The following PITPNC1 variants were observed in gnomAD, a reference collection of about 807,000 sequenced individuals.
PITPNC1 encodes phosphatidylinositol transfer protein cytoplasmic 1, also known as cytoplasmic phosphatidylinositol transfer protein 1.
PITPNC1 carries 18 observed loss-of-function variants against 44.7 expected under a neutral mutation model. The observed-to-expected ratio is 0.40, with a 90% CI of 0.28 to 0.60. The LOEUF (loss-of-function observed/expected upper bound fraction) is 0.60, where lower values mean the gene tolerates loss of function less well. Among genes scored for constraint, PITPNC1 ranks in the 20% least tolerant of loss-of-function variants. The probability of loss-of-function intolerance (pLI) is 0.39; values close to 1 mark genes in which losing one functional copy is unlikely to be tolerated. For synonymous variants in PITPNC1, 141 were observed against 149.6 expected (o/e 0.94, Z 0.42); for missense variants, 290 against 418.4 (o/e 0.69, Z 2.68).
chr17:67,489,570 C>T (rs541940138), intron 1 of PITPNC1, among the ~76,000 whole-genome samples: 144 of 152,256 alleles, frequency 9.5e-4, no homozygotes, highest in Non-Finnish European at 1.7e-3. Context: ...GATCCCGCCT[C>T]TAGAGATTCT....
chr17:67,677,955 G>A (rs1028729907), intron 8 of PITPNC1, among the ~76,000 whole-genome samples: 3 of 151,934 alleles, frequency 2.0e-5, no homozygotes, highest in African/African-American at 7.2e-5. Flanking sequence ...GTTCACACCT[G>A]TAATCCCAGC....
chr17:67,640,284 C>T (rs1253062932), intron 6 of PITPNC1, among the ~76,000 whole-genome samples: 1 of 152,118 alleles, frequency 6.6e-6, no homozygotes, highest in Non-Finnish European at 1.5e-5. Flanking sequence ...AGGGAGGAAG[C>T]CTGCAAAGGA....
intron 1 of PITPNC1, among the ~76,000 whole-genome samples, chr17:67,380,318 G>A (rs949934117): frequency 3.3e-5 from 5 of 152,134 alleles, no homozygotes; most frequent in African/African-American, 7.2e-5. Flanking sequence ...CAGGCAATCC[G>A]CCTGCCTCAG....
At chr17:67,494,805 C>G (rs1172378367) in intron 1 of PITPNC1, among the ~76,000 whole-genome samples, 1 of 151,968 alleles carries the variant, frequency 6.6e-6, no homozygotes. Flanking sequence ...AACACCATCT[C>G]TACAAAAAAT....
rs570576510 is a variant in PITPNC1, at chr17:67,416,463, G to A, written c.48+38261G>A. Among the ~76,000 whole-genome samples the A allele has an allele frequency of 1.1e-3, 172 of 151,984 alleles. 1 individual carries two copies. Among genetic ancestry groups the A allele is most frequent in the Non-Finnish European group, 1.9e-3 (129 of 67,966 alleles). On this transcript the variant is annotated intron_variant, in intron 1 of 8. Coordinates refer to ENST00000581322, the MANE Select transcript of PITPNC1 (RefSeq NM_012417.4). ...ACACCTGACCTCAAATGATCCTCCCGCCTCAGCCTCCCAAAGTGCTAGGAT... is the reference window on the plus strand; with the variant it reads ...ACACCTGACCTCAAATGATCCTCCCACCTCAGCCTCCCAAAGTGCTAGGAT...
At chr17:67,630,982 G>A (rs188728705) in intron 5 of PITPNC1, among the ~76,000 whole-genome samples, 6 of 151,570 alleles carry the variant, frequency 4.0e-5, no homozygotes, top group Admixed American at 6.6e-5. Flanking sequence ...AAAGCGCTGC[G>A]ATTACAGGCA....
At chr17:67,466,065 A>T (rs1402866250) in intron 1 of PITPNC1, among the ~76,000 whole-genome samples, 2 of 151,716 alleles carry the variant, frequency 1.3e-5, no homozygotes, top group African/African-American at 4.8e-5. Context: ...CAGTGGTGCC[A>T]TCATAGTTCA....
At chr17:67,416,808 GTCTC>G in intron 1 of PITPNC1, among the ~76,000 whole-genome samples, 1 of 152,128 alleles carries the variant, frequency 6.6e-6, no homozygotes, top group East Asian at 1.9e-4. Context: ...CATTCTCTCT[GTCTC>G]TCTTTTTTTC....
intron 1 of PITPNC1, among the ~76,000 whole-genome samples, chr17:67,491,776 G>T (rs2039867666): frequency 6.6e-6 from 1 of 152,112 alleles, no homozygotes; most frequent in South Asian, 2.1e-4. Context: ...AGGCTGCGGT[G>T]AGCTGTGATC....
At chr17:67,624,973 T>C (rs1479517209) in intron 5 of PITPNC1, among the ~76,000 whole-genome samples, 2 of 152,200 alleles carry the variant, frequency 1.3e-5, no homozygotes, top group Non-Finnish European at 2.9e-5. Flanking sequence ...ATCTATAACA[T>C]GGTAATTATT....
intron 4 of PITPNC1, among the ~76,000 whole-genome samples, chr17:67,554,232 A>G (rs930712716): frequency 1.3e-5 from 2 of 151,260 alleles, no homozygotes; most frequent in African/African-American, 4.9e-5. Flanking sequence ...TCAACCTATC[A>G]CAACAAGAAA....
intron 1 of PITPNC1, among the ~76,000 whole-genome samples, chr17:67,529,175 C>A (rs1259498406): frequency 6.6e-6 from 1 of 152,190 alleles, no homozygotes; most frequent in Non-Finnish European, 1.5e-5. Context: ...AGCCCTCCAC[C>A]GGCTGTTGGT....
chr17:67,581,162 G>A (rs1243221038), intron 5 of PITPNC1, among the ~76,000 whole-genome samples: 1 of 152,198 alleles, frequency 6.6e-6, no homozygotes, highest in Non-Finnish European at 1.5e-5. Flanking sequence ...AAATTCATAT[G>A]GTTATTGTGT....
At chr17:67,407,613 A>T (rs2038419281) in intron 1 of PITPNC1, among the ~76,000 whole-genome samples, 1 of 151,586 alleles carries the variant, frequency 6.6e-6, no homozygotes, top group Admixed American at 6.6e-5. Context: ...GACCAGCCTG[A>T]CCAACATGGA....
intron 1 of PITPNC1, among the ~76,000 whole-genome samples, chr17:67,465,178 GAACAT>G (rs777081516): frequency 6.6e-6 from 1 of 152,190 alleles, no homozygotes; most frequent in Non-Finnish European, 1.5e-5. Flanking sequence ...GTATGTTGTT[GAACAT>G]ACACCTGTCT....
At chr17:67,592,398 G>T (rs1469092634) in intron 5 of PITPNC1, among the ~76,000 whole-genome samples, 1 of 152,250 alleles carries the variant, frequency 6.6e-6, no homozygotes, top group Middle Eastern at 3.4e-3. Context: ...TGGAGCAAAA[G>T]ACTAAATACT....
chr17:67,396,764 C>T lies in PITPNC1; in HGVS notation c.48+18562C>T, dbSNP rs147195768. Among the ~76,000 whole-genome samples the T allele has an allele frequency of 5.6e-4, 85 of 152,156 alleles. 1 individual carries two copies. The East Asian group carries it at 0.015, about 26-fold the overall frequency. On this transcript the variant is annotated intron_variant, in intron 1 of 8. Coordinates refer to ENST00000581322, the MANE Select transcript of PITPNC1 (RefSeq NM_012417.4). The stretch of plus-strand genomic sequence containing the variant: ...GCTGCAGCCTTCACCTCCCTGAGCT[C>T]AAGCCTCAGCCTCCTGAATAGCTGG...
At chr17:67,585,639 C>T (rs761895633) in intron 5 of PITPNC1, among the ~76,000 whole-genome samples, 6 of 152,040 alleles carry the variant, frequency 3.9e-5, no homozygotes, top group Non-Finnish European at 8.8e-5. Flanking sequence ...CCCATCTGTA[C>T]ATAAGAAATG....
chr17:67,685,206 C>G (rs542056888), intron 8 of PITPNC1, among the ~76,000 whole-genome samples: 4 of 152,228 alleles, frequency 2.6e-5, no homozygotes, highest in African/African-American at 7.2e-5. Context: ...AGCAGCATCT[C>G]TTTATTGCTT....
Sources: allele counts gnomAD v4.1 joint callset (sites outside exome capture counted in the v4.1 genomes callset), GRCh38; gene constraint gnomAD v4.1.1; transcripts MANE v1.5; gene names NCBI Gene and HGNC (gene_info 2026-07-23, HGNC 2026-07-21).